Variants in NRG1 observed in about 807,000 individuals in gnomAD.
The protein encoded by NRG1 is neuregulin 1, also known as pro-neuregulin-1, membrane-bound isoform.
NRG1 carries 18 observed loss-of-function variants against 63.8 expected under a neutral mutation model. The observed-to-expected ratio is 0.28, with a 90% CI of 0.19 to 0.42. NRG1 has a LOEUF of 0.42. NRG1 is among the 10% of genes least tolerant of loss of function. The probability of loss-of-function intolerance (pLI) is 1.00; values close to 1 mark genes in which losing one functional copy is unlikely to be tolerated. For missense variants in NRG1, 762 were observed against 814.7 expected (o/e 0.94, Z 0.79); for synonymous variants, 302 against 301.3 (o/e 1.00, Z -0.02).
At chr8:32,701,222 G>A (rs1238835415) in intron 5 of NRG1, among the ~76,000 whole-genome samples, 1 of 152,122 alleles carries the variant, frequency 6.6e-6, no homozygotes, top group Non-Finnish European at 1.5e-5. Flanking sequence ...TATATATTGT[G>A]TAAGTATACT....
intron 1 of NRG1, among the ~76,000 whole-genome samples, chr8:31,968,936 A>G (rs1012839165): frequency 2.6e-5 from 4 of 152,222 alleles, no homozygotes; most frequent in African/African-American, 7.2e-5. Flanking sequence ...GCAGGTCTCT[A>G]TGTTAGAAGA....
At chr8:32,697,028 G>A (rs765335984) in intron 5 of NRG1, among the ~76,000 whole-genome samples, 4 of 152,222 alleles carry the variant, frequency 2.6e-5, no homozygotes, top group Non-Finnish European at 4.4e-5. Context: ...TTAATAGAGT[G>A]AAAGTCCTGT....
intron 1 of NRG1, among the ~76,000 whole-genome samples, chr8:32,402,265 GTCTA>G (rs1190111996): frequency 6.6e-6 from 1 of 151,980 alleles, no homozygotes; most frequent in Non-Finnish European, 1.5e-5. Context: ...GTAGCTCATT[GTCTA>G]TCTAACACAC....
intron 1 of NRG1, among the ~76,000 whole-genome samples, chr8:32,273,445 G>T (rs574768651): frequency 1.3e-5 from 2 of 152,204 alleles, no homozygotes; most frequent in African/African-American, 4.8e-5. Flanking sequence ...ATTCTTATTT[G>T]TTGTTACCAT....
In NRG1 at chr8:32,067,269, T is replaced by A. The variant is rs372644731; in HGVS notation, c.37+427838T>A. On this transcript the variant is annotated intron_variant, in intron 1 of 10. Transcript: ENST00000519301. ...AGAGGGCATCCCTGTCTTGTGCCAGTTTTCAAAGGGAATGCTTCCAGTTTT... is the reference window on the plus strand; with the variant it reads ...AGAGGGCATCCCTGTCTTGTGCCAGATTTCAAAGGGAATGCTTCCAGTTTT... Among the ~76,000 whole-genome samples, 109 of 152,208 alleles carry A rather than the reference T, an allele frequency of 7.2e-4. No homozygotes were observed. In the East Asian group the frequency reaches 0.016, roughly 23 times the overall value.
At chr8:32,751,774 C>A (rs1828785016) in intron 7 of NRG1, among the ~76,000 whole-genome samples, 1 of 152,138 alleles carries the variant, frequency 6.6e-6, no homozygotes, top group African/African-American at 2.4e-5. Flanking sequence ...GATCATTTTA[C>A]TGGAAAATGT....
At chr8:31,731,402 TA>T (rs1400898377) in intron 1 of NRG1, among the ~76,000 whole-genome samples, 1 of 139,094 alleles carries the variant, frequency 7.2e-6, no homozygotes, top group Non-Finnish European at 1.5e-5. Context: ...AAAAGTAGGA[TA>T]CAAAATTATG....
At chr8:32,025,737 G>C (rs1022841944) in intron 1 of NRG1, among the ~76,000 whole-genome samples, 1 of 151,946 alleles carries the variant, frequency 6.6e-6, no homozygotes, top group Non-Finnish European at 1.5e-5. Context: ...CACGAGGTCA[G>C]GAGATCGAGA....
intron 1 of NRG1, among the ~76,000 whole-genome samples, chr8:31,905,817 A>G (rs1013450057): frequency 5.9e-5 from 9 of 152,214 alleles, no homozygotes; most frequent in African/African-American, 1.9e-4. Context: ...TTGATCAACT[A>G]AGCATAATAT....
upstream of NRG1, among the ~76,000 whole-genome samples, chr8:32,544,679 CTTTTTTTTT>C (rs755780220): frequency 3.7e-5 from 3 of 80,466 alleles, no homozygotes; most frequent in South Asian, 1.1e-3. Flanking sequence ...ATTTTTGTAT[CTTTTTTTTT>C]TTTTTTTTTT....
chr8:31,940,929 A>T (rs964048094), intron 1 of NRG1, among the ~76,000 whole-genome samples: 1 of 152,146 alleles, frequency 6.6e-6, no homozygotes, highest in Non-Finnish European at 1.5e-5. Context: ...CAACAAAAAA[A>T]GTCCAGGACC....
intron 5 of NRG1, among the ~76,000 whole-genome samples, chr8:32,678,122 T>C (rs753667211): frequency 3.9e-5 from 6 of 152,212 alleles, no homozygotes; most frequent in Non-Finnish European, 7.3e-5. Context: ...AACTCTTTCC[T>C]GGGATGATGG....
At chr8:31,864,563 C>T (rs1414794326) in intron 1 of NRG1, among the ~76,000 whole-genome samples, 6 of 151,946 alleles carry the variant, frequency 3.9e-5, no homozygotes, top group Non-Finnish European at 8.8e-5. Flanking sequence ...GAGGTGCATT[C>T]AAGAAACTGA....
At chr8:32,704,239 G>A (rs1815736099) in intron 5 of NRG1, among the ~76,000 whole-genome samples, 1 of 152,200 alleles carries the variant, frequency 6.6e-6, no homozygotes, top group South Asian at 2.1e-4. Flanking sequence ...TAAGTAAAAA[G>A]TGTGACCACT....
At chr8:32,396,860 G>A (rs1031832675) in intron 1 of NRG1, among the ~76,000 whole-genome samples, 1 of 152,072 alleles carries the variant, frequency 6.6e-6, no homozygotes, top group Non-Finnish European at 1.5e-5. Flanking sequence ...ATCCATCTGA[G>A]GTCTCTTCTC....
intron 5 of NRG1, among the ~76,000 whole-genome samples, chr8:32,688,486 A>G (rs1160668549): frequency 6.6e-6 from 1 of 152,184 alleles, no homozygotes; most frequent in African/African-American, 2.4e-5. Flanking sequence ...TAAGTCAAAA[A>G]TCTTATGATC....
chr8:32,227,990 T>C (rs4733310), intron 1 of NRG1, among the ~76,000 whole-genome samples: 114,012 of 152,106 alleles, frequency 0.75, 43,821 homozygotes, highest in African/African-American at 0.91. Context: ...TCTATAGATA[T>C]TTATTTTGCT....
chr8:31,922,247 G>A (rs1211990412), intron 1 of NRG1, among the ~76,000 whole-genome samples: 1 of 152,170 alleles, frequency 6.6e-6, no homozygotes, highest in African/African-American at 2.4e-5. Context: ...GTCAATAGCA[G>A]AGGCAATGGA....
chr8:32,749,495 T>C (rs1828250221), intron 7 of NRG1: 2 of 1,503,594 alleles, frequency 1.3e-6, no homozygotes, highest in African/African-American at 1.4e-5. Context: ...TGGAGTGCAG[T>C]GTATTGCTCT....
Sources: allele counts gnomAD v4.1 joint callset (sites outside exome capture counted in the v4.1 genomes callset), GRCh38; gene constraint gnomAD v4.1.1; transcripts MANE v1.5; gene names NCBI Gene and HGNC (gene_info 2026-07-23, HGNC 2026-07-21).